ACAP1: variants seen among roughly 807,000 people sequenced by gnomAD.
The protein encoded by ACAP1 is arf-GAP with coiled-coil, ANK repeat and PH domain-containing protein 1.
Under a neutral mutation model 98.8 loss-of-function variants are expected in ACAP1, and 45 were observed. The ratio of observed to expected loss-of-function variants is 0.46; its 90% CI spans 0.36 to 0.58. The LOEUF (loss-of-function observed/expected upper bound fraction) is 0.58. ACAP1 is among the 20% of genes least tolerant of loss of function. The pLI, the probability that ACAP1 is intolerant of heterozygous loss-of-function variation, is 0.00. For synonymous variants in ACAP1, 362 were observed against 375.3 expected, an observed-to-expected ratio of 0.96 and a Z score of 0.41; for missense variants, 735 against 971.4, an observed-to-expected ratio of 0.76 and a Z score of 3.24.
At chr17:7,347,534 G>T (rs1410098461) in intron 14 of ACAP1, 1 of 510,706 alleles carries the variant, frequency 2.0e-6, no homozygotes, top group African/African-American at 1.9e-5. Context: ...GGGAGCCAGT[G>T]AAGACTAGGC....
chr17:7,343,313 C>A lies in ACAP1; in HGVS notation c.345-66C>A. The A allele has an allele frequency of 6.6e-7, 1 of 1,516,998 alleles. No individual in the cohort carries two copies. Among genetic ancestry groups the A allele is most frequent in the Non-Finnish European group, 9.0e-7 (1 of 1,116,390 alleles). The allele number at this position is 1,516,998 out of a possible 1,614,324, so 94.0% of individuals were successfully genotyped here. A position where few individuals can be genotyped will look rare whatever the true frequency, so the allele number is the denominator to read the frequency against. The stretch of plus-strand genomic sequence containing the variant: ...AACTGAAAGGACATGAGGGCTTTAC[C>A]CTGGGAATGCTCTGCTGGGGCAGGT... On this transcript the variant is annotated intron_variant, in intron 5 of 21. Transcript: ENST00000158762. The surrounding 1 kb of genome is among the most constrained non-coding windows in gnomAD (Gnocchi z 4.9).
In ACAP1 at chr17:7,350,394, GGCTGC is replaced by G; in HGVS notation, c.2072+160_2072+164del. 1 of 646,506 alleles carries G rather than the reference GGCTGC, an allele frequency of 1.5e-6. No homozygotes were observed. Among genetic ancestry groups the G allele is most frequent in the South Asian group, 1.9e-5 (1 of 51,772 alleles). 40.0% of individuals were successfully genotyped at this position (646,506 alleles called of 1,614,324 possible). A position where few individuals can be genotyped will look rare whatever the true frequency, so the allele number is the denominator to read the frequency against. ...CAGCGCCGGGGCCAGGCTCGAGAAA[GGCTGC>G]GCGAAGTGTGCACTGGGACGTGGAG... On this transcript the variant is annotated intron_variant, in intron 20 of 21. Transcript: ENST00000158762. This position sits in a 1 kb window ranked among gnomAD's most constrained non-coding sequence, Gnocchi z 4.6.
intron 10 of ACAP1, chr17:7,345,687 A>G (rs1238309108): frequency 6.7e-6 from 1 of 150,162 alleles, no homozygotes; most frequent in African/African-American, 2.5e-5. Context: ...GAGCCTCGCT[A>G]TGTTGCGCAG....
chr17:7,344,285 C>T lies in ACAP1; in HGVS notation c.744+162C>T, dbSNP rs1396839306. Among the ~76,000 whole-genome samples, 1 of 152,052 alleles carries T rather than the reference C, an allele frequency of 6.6e-6. No individual in the cohort carries two copies. Among genetic ancestry groups the T allele is most frequent in the African/African-American group, 2.4e-5 (1 of 41,378 alleles). ...AAATTAGCTGGTGTGGTGGCATGCA[C>T]CTCTAGTTCTAGCTACTCAGGAGGC... On this transcript the variant is annotated intron_variant, in intron 9 of 21. Coordinates refer to ENST00000158762, the MANE Select transcript of ACAP1 (RefSeq NM_014716.4). The surrounding 1 kb of genome is among the most constrained non-coding windows in gnomAD (Gnocchi z 4.9).
intron 2 of ACAP1, among the ~76,000 whole-genome samples, chr17:7,341,354 G>A (rs931135109): frequency 1.3e-5 from 2 of 152,138 alleles, no homozygotes; most frequent in Admixed American, 6.6e-5. Context: ...CAGTCCTCCT[G>A]CCTTAGCCTC....
At position 7,348,573 on chromosome 17, in the gene ACAP1, G is replaced by C; in HGVS notation, c.1678+98G>C. On this transcript the variant is annotated intron_variant, in intron 17 of 21. Coordinates refer to ENST00000158762, the MANE Select transcript of ACAP1 (RefSeq NM_014716.4). Reference sequence around the variant, plus strand: ...ACAGAGTGTGAAGCCCAGGCCTTCCGCTGGACAATGTCGGAGGGACCGGAC... The same window carrying C: ...ACAGAGTGTGAAGCCCAGGCCTTCCCCTGGACAATGTCGGAGGGACCGGAC... 4 of 1,316,592 alleles carry C rather than the reference G, an allele frequency of 3.0e-6. No homozygotes were observed. The South Asian group carries it at 5.1e-5, about 17-fold the overall frequency. The allele number at this position is 1,316,592 out of a possible 1,614,324, so 81.6% of individuals were successfully genotyped here.
intron 2 of ACAP1, among the ~76,000 whole-genome samples, chr17:7,341,169 G>A (rs1162576569): frequency 6.6e-6 from 1 of 152,164 alleles, no homozygotes; most frequent in Admixed American, 6.5e-5. Flanking sequence ...TTTATTTTTC[G>A]AGACAGAGTC....
In ACAP1 at chr17:7,350,338, TG is replaced by T. The variant is rs2073392879; in HGVS notation, c.2072+102del. 1.0e-6 allele frequency: 1 copy of T among 984,030 alleles called. No individual in the cohort carries two copies. Among genetic ancestry groups the T allele is most frequent in the African/African-American group, 1.7e-5 (1 of 60,264 alleles). The allele number at this position is 984,030 out of a possible 1,614,324, so 61.0% of individuals were successfully genotyped here. ...CGGGGCTGACGCCGAAACAGAAGCCTGTGCTGTGGGGCCTCGGAAAGGGGCT... is the reference window on the plus strand; with the variant it reads ...CGGGGCTGACGCCGAAACAGAAGCCTTGCTGTGGGGCCTCGGAAAGGGGCT... On this transcript the variant is annotated intron_variant, in intron 20 of 21. Transcript: ENST00000158762. The surrounding 1 kb of genome is among the most constrained non-coding windows in gnomAD (Gnocchi z 4.6).
intron 2 of ACAP1, among the ~76,000 whole-genome samples, chr17:7,337,944 C>G (rs1055185495): frequency 6.6e-6 from 1 of 152,180 alleles, no homozygotes; most frequent in African/African-American, 2.4e-5. Flanking sequence ...AGGACAAGAT[C>G]ATTTCTGCTC....
intron 1 of ACAP1, 76 bp downstream of exon 1, chr17:7,336,863 C>G (rs2073225257): frequency 1.3e-6 from 2 of 1,515,872 alleles, no homozygotes; most frequent in East Asian, 4.5e-5. Flanking sequence ...TTTCCCCAGG[C>G]CAGGTCTCCT....
chr17:7,346,412 G>C lies in ACAP1; in HGVS notation c.928G>C (p.Asp310His), dbSNP rs1274254555. Residue 310 changes from aspartate to histidine, a missense_variant, in exon 12 of 22, where the codon GAT becomes CAT. By Grantham distance (81) the Asp-to-His change is moderately conservative. Around this residue, in one of 5 missense-constraint regions of ACAP1, gnomAD observed 430 missense variants for 531.8 expected, o/e 0.81. Coordinates refer to ENST00000158762, the MANE Select transcript of ACAP1 (RefSeq NM_014716.4). ...KYKDPVTVVV[D>H]DLRLCTVKLC... ...CCAGGACCCTGTGACTGTGGTGGTG[G>C]ATGACCTTCGTCTCTGCACAGTGAA... is the stretch of plus-strand genomic sequence containing the variant. 6.2e-7 allele frequency: 1 copy of C among 1,614,002 alleles called. No individual in the cohort carries two copies. Among genetic ancestry groups the C allele is most frequent in the Non-Finnish European group, 8.5e-7 (1 of 1,179,928 alleles).
At chr17:7,346,742 C>A in intron 12 of ACAP1, 66 bp from the exon 13 acceptor site, 1 of 1,541,220 alleles carries the variant, frequency 6.5e-7, no homozygotes, top group Non-Finnish European at 8.8e-7. Context: ...TGTCAGTCTG[C>A]CCATGCTGCC....
rs2073408269 is a variant in ACAP1, at chr17:7,351,348, G to A, written c.2176G>A (p.Asp726Asn). 1.9e-6 allele frequency: 3 copies of A among 1,613,812 alleles called. No individual in the cohort carries two copies. Among genetic ancestry groups the A allele is most frequent in the Non-Finnish European group, 2.5e-6 (3 of 1,179,836 alleles). ...CGACTTCTCCCTCATGGCGTCAGACGACCCGGAGAAGCTGAGCCGTCGCAG... is the reference window on the plus strand; with the variant it reads ...CGACTTCTCCCTCATGGCGTCAGACAACCCGGAGAAGCTGAGCCGTCGCAG... ...FRDFSLMASD[D>N]PEKLSRRSHD... The change falls in exon 22 of 22, where the codon GAC becomes AAC. Residue 726 changes from aspartate to asparagine, a missense_variant. Coordinates refer to ENST00000158762, the MANE Select transcript of ACAP1 (RefSeq NM_014716.4).
intron 2 of ACAP1, among the ~76,000 whole-genome samples, chr17:7,341,022 G>A (rs1176217629): frequency 6.6e-6 from 1 of 152,052 alleles, no homozygotes; most frequent in Non-Finnish European, 1.5e-5. Context: ...GATAGGATGG[G>A]CCCCAGGAGT....
rs756903491 is a variant in ACAP1, at chr17:7,348,484, T to A, written c.1678+9T>A. Reference sequence around the variant, plus strand: ...CTTGAGATCCAAGCCAGGTATAGGGTTGGTTGGGCATTCATTGAGCATCTG... The same window carrying A: ...CTTGAGATCCAAGCCAGGTATAGGGATGGTTGGGCATTCATTGAGCATCTG... On this transcript the variant is annotated intron_variant, in intron 17 of 21. Transcript: ENST00000158762. 2.7e-6 allele frequency: 4 copies of A among 1,465,568 alleles called. No homozygotes were observed. The highest frequency in any genetic ancestry group is 3.6e-6 in the Non-Finnish European group (4 of 1,106,996). The allele number at this position is 1,465,568 out of a possible 1,614,324, so 90.8% of individuals were successfully genotyped here.
chr17:7,336,941 G>A (rs950936287), intron 1 of ACAP1, among the ~76,000 whole-genome samples, 154 bp downstream of exon 1: 3 of 152,142 alleles, frequency 2.0e-5, no homozygotes, highest in Non-Finnish European at 4.4e-5. Flanking sequence ...AGCTGTGAAA[G>A]CAGGGTACTC....
At position 7,336,620 on chromosome 17, in the gene ACAP1, A is replaced by C; in HGVS notation, c.-115A>C. 1 of 1,073,670 alleles carries C rather than the reference A, an allele frequency of 9.3e-7. No individual in the cohort carries two copies. The highest frequency in any genetic ancestry group is 1.4e-6 in the Non-Finnish European group (1 of 702,688). The allele number at this position is 1,073,670 out of a possible 1,614,324, so 66.5% of individuals were successfully genotyped here. On this transcript the variant is annotated 5_prime_UTR_variant, in exon 1 of 22. Transcript: ENST00000158762. ...TGTGCCCCCAGGCCCTTCCCCGCGG[A>C]GGTCCCTCTCCTCCTTCCCCCTCAT...
At position 7,336,651 on chromosome 17, in the gene ACAP1, C is replaced by T; in HGVS notation, c.-84C>T. The T allele has an allele frequency of 2.0e-6, 3 of 1,469,660 alleles. No individual in the cohort carries two copies. Among genetic ancestry groups the T allele is most frequent in the Non-Finnish European group, 2.9e-6 (3 of 1,051,018 alleles). The allele number at this position is 1,469,660 out of a possible 1,614,324, so 91.0% of individuals were successfully genotyped here. ...CTCTCCTCCTTCCCCCTCATCTCCC[C>T]TTCCTGGGACAGAAAGTGCCTCCAC... On this transcript the variant is annotated 5_prime_UTR_variant, in exon 1 of 22. Transcript: ENST00000158762.
intron 2 of ACAP1, among the ~76,000 whole-genome samples, chr17:7,340,009 C>G (rs772354217): frequency 9.9e-5 from 15 of 152,144 alleles, no homozygotes; most frequent in African/African-American, 3.4e-4. Flanking sequence ...GCCTGTCATC[C>G]CAACTACTCA....
Sources: gnomAD v4.1 joint callset for allele counts (sites outside exome capture counted in the v4.1 genomes callset) on GRCh38, gnomAD v4.1.1 for gene constraint, gnomAD v4.1.1 regional missense constraint, Gnocchi (gnomAD v3.1) non-coding constraint, MANE v1.5 for transcripts, NCBI Gene and HGNC (gene_info 2026-07-23, HGNC 2026-07-21) for gene names.